SND1: variants seen among roughly 807,000 people sequenced by gnomAD.
SND1 encodes staphylococcal nuclease and tudor domain containing 1, also known as staphylococcal nuclease domain-containing protein 1.
Under a neutral mutation model 121.7 loss-of-function variants are expected in SND1, and 38 were observed. The ratio of observed to expected loss-of-function variants is 0.31; its 90% CI spans 0.24 to 0.41. The LOEUF is 0.41. Among genes scored for constraint, SND1 ranks in the 10% least tolerant of loss-of-function variants. The pLI is 1.00. For synonymous variants in SND1, 401 were observed against 447.4 expected (o/e 0.90, Z 1.31); for missense variants, 868 against 1,184.6 (o/e 0.73, Z 3.92).
chr7:127,809,308 A>G (rs983993820), intron 11 of SND1, among the ~76,000 whole-genome samples: 1 of 152,196 alleles, frequency 6.6e-6, no homozygotes, highest in Non-Finnish European at 1.5e-5. Flanking sequence ...TTTGTTCCCC[A>G]GAGTGACATT....
At chr7:128,067,135 G>A (rs1320499793) in intron 16 of SND1, among the ~76,000 whole-genome samples, 2 of 152,126 alleles carry the variant, frequency 1.3e-5, no homozygotes, top group African/African-American at 4.8e-5. Context: ...TCTGACCTCA[G>A]AGAATGCAGA....
intron 16 of SND1, chr7:128,031,044 A>G (rs1292580717): frequency 9.3e-5 from 6 of 64,706 alleles, no homozygotes; most frequent in African/African-American, 1.7e-4. Flanking sequence ...CGGGGAGGGC[A>G]GAGGGGAGGG....
At chr7:127,744,139 A>C (rs1171148829) in intron 10 of SND1, among the ~76,000 whole-genome samples, 1 of 152,174 alleles carries the variant, frequency 6.6e-6, no homozygotes, top group Non-Finnish European at 1.5e-5. Context: ...CAAAGCGATC[A>C]TGAATATTCC....
intron 10 of SND1, among the ~76,000 whole-genome samples, chr7:127,763,446 A>G (rs372774158): frequency 2.0e-5 from 3 of 152,250 alleles, no homozygotes; most frequent in East Asian, 1.9e-4. Flanking sequence ...TTCTGGGCTC[A>G]AGAGATACTC....
chr7:127,929,512 C>T (rs1584674360), intron 15 of SND1, among the ~76,000 whole-genome samples, 183 bp downstream of exon 15: 2 of 152,196 alleles, frequency 1.3e-5, no homozygotes, highest in East Asian at 1.9e-4. Flanking sequence ...CCCAGCACTG[C>T]ACCCCCTTTC....
At chr7:127,774,602 G>A (rs1346795820) in intron 10 of SND1, among the ~76,000 whole-genome samples, 7 of 148,410 alleles carry the variant, frequency 4.7e-5, no homozygotes, top group Admixed American at 2.7e-4. Flanking sequence ...TTTTTGAGAC[G>A]GAGTCTTTCT....
chr7:128,054,023 C>T (rs1793093843), intron 16 of SND1, among the ~76,000 whole-genome samples: 1 of 152,238 alleles, frequency 6.6e-6, no homozygotes, highest in Admixed American at 6.5e-5. Flanking sequence ...GGGCCTGCTG[C>T]TGCCCATCTT....
chr7:128,029,608 G>C lies in SND1; in HGVS notation c.1779+38552G>C, dbSNP rs199618977. On this transcript the variant is annotated intron_variant, in intron 16 of 23. Coordinates refer to ENST00000354725, the MANE Select transcript of SND1 (RefSeq NM_014390.4). The surrounding 1 kb of genome is among the most constrained non-coding windows in gnomAD (Gnocchi z 4.2). ...GGGGCAGAGCACTGGAAGGAGGCCT[G>C]GTCCACCTCCACGAGGTAGCGGCCT... 2.4e-4 allele frequency: 386 copies of C among 1,613,936 alleles called. 1 individual carries two copies. Among genetic ancestry groups the C allele is most frequent in the Non-Finnish European group, 4.7e-5 (55 of 1,180,032 alleles).
chr7:128,060,897 G>A lies in SND1; in HGVS notation c.1780-13605G>A, dbSNP rs74423852. On this transcript the variant is annotated intron_variant, in intron 16 of 23. Transcript: ENST00000354725. ...GGGACATCTTAGCAAGAGACACTGA[G>A]CGTCTTCATTTCCTCTCTCCATTTC... Among the ~76,000 whole-genome samples, 768 of 152,320 alleles carry A rather than the reference G, an allele frequency of 5.0e-3. 5 individuals carry two copies. The highest frequency in any genetic ancestry group is 0.018 in the African/African-American group (740 of 41,566).
chr7:127,909,873 C>G (rs1219638712), intron 14 of SND1, among the ~76,000 whole-genome samples: 1 of 152,170 alleles, frequency 6.6e-6, no homozygotes, highest in Non-Finnish European at 1.5e-5. Flanking sequence ...TTCTGACTTG[C>G]TAATGTGAAG....
At chr7:127,681,643 T>G (rs1795729312) in intron 1 of SND1, among the ~76,000 whole-genome samples, 1 of 152,222 alleles carries the variant, frequency 6.6e-6, no homozygotes, top group Non-Finnish European at 1.5e-5. Flanking sequence ...CTGGTCCTTT[T>G]TGAGTTATCT....
intron 10 of SND1, among the ~76,000 whole-genome samples, chr7:127,757,811 C>G (rs1202566212): frequency 6.6e-6 from 1 of 152,134 alleles, no homozygotes; most frequent in Non-Finnish European, 1.5e-5. Context: ...TGAATATCTT[C>G]TAATTTGTGG....
intron 14 of SND1, among the ~76,000 whole-genome samples, chr7:127,907,349 CTG>C: frequency 6.6e-6 from 1 of 152,278 alleles, no homozygotes. Context: ...ATTTTGCTGT[CTG>C]TGGGACAGGT....
At chr7:128,033,445 C>T (rs1357604042) in intron 16 of SND1, among the ~76,000 whole-genome samples, 1 of 152,196 alleles carries the variant, frequency 6.6e-6, no homozygotes. Flanking sequence ...GGCAGGCTCG[C>T]TTGATAAACC....
rs201745504 is a variant in SND1 at position 128,089,575 on chromosome 7, C to T, written c.2505C>T (p.Ala835=). ...TGCTCAACGTGGAACACCTGAGTGC[C>T]GGCTGCCCCCATGTCACCCTGCAGT... is the stretch of plus-strand genomic sequence containing the variant. ...QCLLNVEHLS[A]GCPHVTLQFA... Residue 835 remains alanine (A), a synonymous_variant, in exon 22 of 24, where the codon GCC becomes GCT. Coordinates refer to ENST00000354725, the MANE Select transcript of SND1 (RefSeq NM_014390.4). 5.0e-6 allele frequency: 8 copies of T among 1,614,192 alleles called. No individual in the cohort carries two copies. The highest frequency in any genetic ancestry group is 2.2e-5 in the South Asian group (2 of 91,084).
intron 14 of SND1, among the ~76,000 whole-genome samples, chr7:127,916,360 T>C (rs1209305893): frequency 6.6e-6 from 1 of 152,148 alleles, no homozygotes; most frequent in African/African-American, 2.4e-5. Context: ...AAATATCTGG[T>C]TGATGGTGGT....
chr7:127,896,002 C>T (rs920567516), intron 13 of SND1, among the ~76,000 whole-genome samples: 3 of 152,058 alleles, frequency 2.0e-5, no homozygotes, highest in Admixed American at 6.6e-5. Context: ...TCTTGACTAG[C>T]AAGCCGTGGG....
intron 16 of SND1, among the ~76,000 whole-genome samples, chr7:128,053,733 G>A (rs777881345): frequency 3.4e-4 from 51 of 152,104 alleles, no homozygotes; most frequent in Non-Finnish European, 6.5e-4. Flanking sequence ...GTTTCAGAGC[G>A]GCACCTTTTT....
chr7:127,794,285 C>T (rs1797969569), intron 10 of SND1, among the ~76,000 whole-genome samples: 1 of 152,168 alleles, frequency 6.6e-6, no homozygotes, highest in African/African-American at 2.4e-5. Context: ...AGCAACTAAA[C>T]AGAAACCCAG....
Sources: gnomAD v4.1 joint callset for allele counts (sites outside exome capture counted in the v4.1 genomes callset) on GRCh38, gnomAD v4.1.1 for gene constraint, Gnocchi (gnomAD v3.1) non-coding constraint, MANE v1.5 for transcripts, NCBI Gene and HGNC (gene_info 2026-07-23, HGNC 2026-07-21) for gene names.